Variants in TMEM132B observed in about 807,000 individuals in gnomAD.
TMEM132B encodes the protein transmembrane protein 132B.
A neutral mutation model predicts 90.8 loss-of-function variants in TMEM132B; 18 were observed. The ratio of observed to expected loss-of-function variants is 0.20; its 90% CI spans 0.14 to 0.29. The LOEUF (loss-of-function observed/expected upper bound fraction) is 0.29. Among genes scored for constraint, TMEM132B ranks in the 10% least tolerant of loss-of-function variants. The pLI is 1.00. For missense variants in TMEM132B, 1,096 were observed against 1,326.8 expected (o/e 0.83, Z 2.70); for synonymous variants, 504 against 523.3 (o/e 0.96, Z 0.50).
intron 1 of TMEM132B, among the ~76,000 whole-genome samples, chr12:125,190,207 C>A (rs1049424650): frequency 6.6e-6 from 1 of 152,194 alleles, no homozygotes; most frequent in Admixed American, 6.5e-5. Flanking sequence ...GACTTTCTAA[C>A]CCTGTACCTG....
intron 3 of TMEM132B, among the ~76,000 whole-genome samples, chr12:125,422,625 A>G (rs1014223136): frequency 6.6e-6 from 1 of 152,196 alleles, no homozygotes; most frequent in Non-Finnish European, 1.5e-5. Context: ...GGATCTTGAG[A>G]TGAGATCATC....
intron 2 of TMEM132B, among the ~76,000 whole-genome samples, chr12:125,396,706 T>C (rs1200127349): frequency 6.6e-6 from 1 of 152,092 alleles, no homozygotes; most frequent in Non-Finnish European, 1.5e-5. Flanking sequence ...GGGATCTTGC[T>C]ATGTTTCCCA....
chr12:125,499,606 G>A (rs956379196), intron 3 of TMEM132B, among the ~76,000 whole-genome samples: 1 of 152,142 alleles, frequency 6.6e-6, no homozygotes, highest in Non-Finnish European at 1.5e-5. Context: ...GGACGCATGG[G>A]GGGTGCCTGT....
chr12:125,618,007 T>A (rs896679355), intron 5 of TMEM132B, among the ~76,000 whole-genome samples: 1 of 152,076 alleles, frequency 6.6e-6, no homozygotes, highest in Non-Finnish European at 1.5e-5. Flanking sequence ...TTGAACTTCC[T>A]CACAAGAGTG....
intron 3 of TMEM132B, among the ~76,000 whole-genome samples, chr12:125,454,069 G>A (rs1259046828): frequency 2.6e-5 from 4 of 152,174 alleles, no homozygotes; most frequent in Non-Finnish European, 4.4e-5. Flanking sequence ...TTCAAGTAGG[G>A]CCCGTTTTAA....
At position 125,574,982 on chromosome 12, in the gene TMEM132B, G is replaced by A. The variant is rs1267561227; in HGVS notation, c.1294-8869G>A. On this transcript the variant is annotated intron_variant, in intron 4 of 8. Coordinates refer to ENST00000682704, the MANE Select transcript of TMEM132B (RefSeq NM_001366854.1). ...GCAGTGGCTTTCAGTTGATCCACAA[G>A]GGTTGGCAACCATCAACACTAATTC... Among the ~76,000 whole-genome samples the A allele has an allele frequency of 3.5e-5, 5 of 143,554 alleles. No homozygotes were observed. The Admixed American group carries it at 3.7e-4, about 11-fold the overall frequency. 94.2% of individuals were successfully genotyped at this position (143,554 alleles called of 152,430 possible).
intron 4 of TMEM132B, among the ~76,000 whole-genome samples, chr12:125,529,832 C>T (rs1051145198): frequency 1.3e-5 from 2 of 152,218 alleles, no homozygotes; most frequent in African/African-American, 4.8e-5. Context: ...AGATAAGTGC[C>T]CGTTGGCTGC....
At chr12:125,283,085 C>T (rs999843901) in intron 1 of TMEM132B, among the ~76,000 whole-genome samples, 6 of 152,118 alleles carry the variant, frequency 3.9e-5, no homozygotes, top group Admixed American at 1.3e-4. Flanking sequence ...CAGCTGTGTT[C>T]GCGCACAACT....
At chr12:125,199,494 A>G (rs746741314) in intron 1 of TMEM132B, among the ~76,000 whole-genome samples, 5 of 152,186 alleles carry the variant, frequency 3.3e-5, no homozygotes, top group Non-Finnish European at 7.3e-5. Context: ...CAAGTGACAC[A>G]TTAAGGATGA....
At chr12:125,338,695 G>T (rs1461354065) in intron 1 of TMEM132B, among the ~76,000 whole-genome samples, 1 of 152,126 alleles carries the variant, frequency 6.6e-6, no homozygotes, top group Non-Finnish European at 1.5e-5. Context: ...TCTGGTCTGA[G>T]GTTTCCTCTG....
chr12:125,378,189 T>C (rs1200240121), intron 2 of TMEM132B, among the ~76,000 whole-genome samples: 1 of 152,148 alleles, frequency 6.6e-6, no homozygotes, highest in African/African-American at 2.4e-5. Context: ...TACATTGAAA[T>C]ACCTGTGGAT....
chr12:125,403,179 A>G (rs1879366367), intron 2 of TMEM132B, among the ~76,000 whole-genome samples: 2 of 152,176 alleles, frequency 1.3e-5, no homozygotes, highest in Admixed American at 1.3e-4. Flanking sequence ...GAGCTCTCTG[A>G]CCCAGAGACT....
chr12:125,218,411 GA>G (rs1419301376), intron 1 of TMEM132B, among the ~76,000 whole-genome samples: 1 of 152,140 alleles, frequency 6.6e-6, no homozygotes, highest in Non-Finnish European at 1.5e-5. Context: ...TTGTGACCGA[GA>G]GCTTCCAGAG....
chr12:125,225,155 G>T (rs1283856200), intron 1 of TMEM132B, among the ~76,000 whole-genome samples: 2 of 152,206 alleles, frequency 1.3e-5, no homozygotes, highest in African/African-American at 4.8e-5. Flanking sequence ...AATCAGCTGA[G>T]GATGAACAAA....
At chr12:125,293,340 G>T (rs908575706) in intron 1 of TMEM132B, among the ~76,000 whole-genome samples, 1 of 152,142 alleles carries the variant, frequency 6.6e-6, no homozygotes, top group Admixed American at 6.5e-5. Flanking sequence ...ACTTGTGCAG[G>T]TTTGTTACAT....
At chr12:125,481,247 T>C (rs1351510779) in intron 3 of TMEM132B, among the ~76,000 whole-genome samples, 1 of 152,188 alleles carries the variant, frequency 6.6e-6, no homozygotes, top group Admixed American at 6.5e-5. Flanking sequence ...TGTTGGAAGT[T>C]CTGGCCAGGG....
intron 5 of TMEM132B, chr12:125,585,012 C>T (rs935296556): frequency 6.6e-6 from 1 of 152,112 alleles, no homozygotes. Context: ...TTGAAAACTT[C>T]GTGGTAGACA....
chr12:125,594,469 A>G (rs1885392391), intron 5 of TMEM132B, among the ~76,000 whole-genome samples: 1 of 152,216 alleles, frequency 6.6e-6, no homozygotes, highest in Non-Finnish European at 1.5e-5. Flanking sequence ...TGTTTTCTAA[A>G]GTGGTTACAC....
intron 3 of TMEM132B, among the ~76,000 whole-genome samples, chr12:125,429,406 A>G (rs570836019): frequency 4.6e-5 from 7 of 151,862 alleles, no homozygotes; most frequent in South Asian, 4.2e-4. Context: ...GGGTTTTACA[A>G]TGTTGGCCAG....
Sources: gnomAD v4.1 joint callset for allele counts (sites outside exome capture counted in the v4.1 genomes callset) on GRCh38, gnomAD v4.1.1 for gene constraint, MANE v1.5 for transcripts, NCBI Gene and HGNC (gene_info 2026-07-23, HGNC 2026-07-21) for gene names.